The following SLC25A24 variants were observed in gnomAD, a reference collection of about 807,000 sequenced individuals.
SLC25A24 encodes the protein solute carrier family 25 member 24.
In SLC25A24, 49 loss-of-function variants were observed where a neutral mutation model predicts 60.7. That is an observed-to-expected ratio of 0.81 (90% CI 0.64 to 1.02). The LOEUF (loss-of-function observed/expected upper bound fraction) is 1.02. Ranked by LOEUF, SLC25A24 falls within the 50% of genes least tolerant of loss-of-function variation. The probability of loss-of-function intolerance (pLI) is 0.00; values close to 1 mark genes in which losing one functional copy is unlikely to be tolerated. For missense variants in SLC25A24, 564 were observed against 586.3 expected, an observed-to-expected ratio of 0.96 and a Z score of 0.39; for synonymous variants, 202 against 200.6, an observed-to-expected ratio of 1.01 and a Z score of -0.06.
chr1:108,152,550 T>C (rs753323398), intron 6 of SLC25A24, among the ~76,000 whole-genome samples: 3 of 152,024 alleles, frequency 2.0e-5, no homozygotes, highest in Non-Finnish European at 4.4e-5. Flanking sequence ...AGAAATGGGG[T>C]TTTGCCACGT....
At chr1:108,147,697 A>G (rs569953131) in intron 7 of SLC25A24, among the ~76,000 whole-genome samples, 2 of 152,294 alleles carry the variant, frequency 1.3e-5, no homozygotes, top group Admixed American at 1.3e-4. Context: ...TATTAAATTT[A>G]TGGTACAGAA....
chr1:108,166,587 A>G (rs1571296107), intron 3 of SLC25A24, among the ~76,000 whole-genome samples: 2 of 152,056 alleles, frequency 1.3e-5, no homozygotes, highest in South Asian at 2.1e-4. Context: ...TGATCGCATC[A>G]GCTCCTGAGG....
intron 3 of SLC25A24, among the ~76,000 whole-genome samples, chr1:108,161,705 T>C (rs1184716638): frequency 6.6e-6 from 1 of 152,230 alleles, no homozygotes. Flanking sequence ...AGTTTTGAAA[T>C]ATACTCAAAA....
intron 7 of SLC25A24, among the ~76,000 whole-genome samples, chr1:108,147,688 A>T (rs186779089): frequency 1.3e-5 from 2 of 152,324 alleles, no homozygotes; most frequent in East Asian, 3.9e-4. Flanking sequence ...AGATTCCATT[A>T]TTAAATTTAT....
chr1:108,192,320 G>A (rs1335361458), intron 1 of SLC25A24, among the ~76,000 whole-genome samples: 1 of 139,344 alleles, frequency 7.2e-6, no homozygotes, highest in Admixed American at 8.1e-5. Flanking sequence ...AAATACTTGA[G>A]AAATGTGTTA....
At chr1:108,177,881 T>C (rs1647740301) in intron 3 of SLC25A24, among the ~76,000 whole-genome samples, 1 of 152,236 alleles carries the variant, frequency 6.6e-6, no homozygotes, top group East Asian at 1.9e-4. Context: ...ATACCAAACA[T>C]TGGCCAGGGG....
chr1:108,181,821 A>C (rs1403036748), intron 3 of SLC25A24, 120 bp downstream of exon 3: 3 of 716,796 alleles, frequency 4.2e-6, no homozygotes, highest in Non-Finnish European at 7.4e-6. Context: ...AAAGACAAAA[A>C]GATCTTGGAT....
chr1:108,161,468 G>T (rs959457121), intron 3 of SLC25A24, among the ~76,000 whole-genome samples, 175 bp from the exon 4 acceptor site: 1 of 152,166 alleles, frequency 6.6e-6, no homozygotes, highest in African/African-American at 2.4e-5. Context: ...TTATGGTCCT[G>T]TCAGATAGTT....
At chr1:108,139,966 T>C (rs972362920) in intron 8 of SLC25A24, among the ~76,000 whole-genome samples, 10 of 152,160 alleles carry the variant, frequency 6.6e-5, no homozygotes, top group African/African-American at 2.2e-4. Flanking sequence ...AAGGCCATAC[T>C]TTATCCCTGT....
intron 3 of SLC25A24, among the ~76,000 whole-genome samples, chr1:108,166,072 T>G (rs1680244653): frequency 1.3e-5 from 2 of 152,130 alleles, no homozygotes; most frequent in East Asian, 3.8e-4. Flanking sequence ...TGGCTGGATA[T>G]GAAATTCTGG....
chr1:108,163,850 G>T (rs947674320), intron 3 of SLC25A24, among the ~76,000 whole-genome samples: 3 of 152,148 alleles, frequency 2.0e-5, no homozygotes, highest in Non-Finnish European at 4.4e-5. Flanking sequence ...TGGTGAGAGA[G>T]GGCATCCCTG....
intron 3 of SLC25A24, among the ~76,000 whole-genome samples, chr1:108,169,501 T>C (rs528560379): frequency 3.3e-5 from 5 of 152,324 alleles, no homozygotes; most frequent in African/African-American, 9.6e-5. Flanking sequence ...AAATGGCTGA[T>C]TCAGTTTGCT....
intron 1 of SLC25A24, chr1:108,192,819 A>G (rs1648388624): frequency 3.2e-6 from 4 of 1,233,894 alleles, no homozygotes; most frequent in African/African-American, 1.5e-5. Context: ...TAACGGCTTC[A>G]GCGCAAAGGC....
intron 4 of SLC25A24, among the ~76,000 whole-genome samples, chr1:108,159,746 GAC>G (rs1000169046): frequency 6.6e-6 from 1 of 151,632 alleles, no homozygotes; most frequent in Non-Finnish European, 1.5e-5. Flanking sequence ...ACCCTGAGTG[GAC>G]ACAGCACATG....
Position 108,198,493 on chromosome 1 carries a change from T to C in SLC25A24, c.183+1463A>G, listed in dbSNP as rs913419553. On this transcript the variant is annotated intron_variant, in intron 1 of 9. Transcript: ENST00000565488. ...AGAAAATGAATACAAAGGACATCCA[T>C]TGCAATTTCACTTACAATCGTTTTT... is the stretch of plus-strand genomic sequence containing the variant. 4 of 152,348 alleles carry C rather than the reference T, an allele frequency of 2.6e-5. No homozygotes were observed. The South Asian group carries it at 6.2e-4, about 24-fold the overall frequency. The allele number at this position is 152,348 out of a possible 1,614,324, so 9.4% of individuals were successfully genotyped here.
At chr1:108,147,600 C>T (rs547508379) in intron 7 of SLC25A24, among the ~76,000 whole-genome samples, 5 of 152,184 alleles carry the variant, frequency 3.3e-5, no homozygotes, top group East Asian at 3.9e-4. Context: ...TGAAACAGTC[C>T]GTAGGTCTGT....
chr1:108,137,270 T>C (rs1049086739), intron 9 of SLC25A24, among the ~76,000 whole-genome samples: 4 of 152,134 alleles, frequency 2.6e-5, no homozygotes, highest in Non-Finnish European at 4.4e-5. Context: ...GCTGCCTCCT[T>C]CTTACTAGAC....
intron 8 of SLC25A24, among the ~76,000 whole-genome samples, chr1:108,140,011 A>G (rs948419718): frequency 6.6e-6 from 1 of 152,150 alleles, no homozygotes; most frequent in Non-Finnish European, 1.5e-5. Context: ...AGAAGGCAAT[A>G]ATTAGGAGAA....
chr1:108,164,514 G>A (rs1176318161), intron 3 of SLC25A24, among the ~76,000 whole-genome samples: 1 of 152,108 alleles, frequency 6.6e-6, no homozygotes, highest in African/African-American at 2.4e-5. Flanking sequence ...TCCTGGTTTA[G>A]TCTTGGGAGG....
Sources: gnomAD v4.1 joint callset for allele counts (sites outside exome capture counted in the v4.1 genomes callset) on GRCh38, gnomAD v4.1.1 for gene constraint, MANE v1.5 for transcripts, NCBI Gene and HGNC (gene_info 2026-07-23, HGNC 2026-07-21) for gene names.